The following PTBP3 variants were observed in gnomAD, a reference collection of about 807,000 sequenced individuals.
PTBP3 encodes the protein polypyrimidine tract binding protein 3, also known as polypyrimidine tract-binding protein 3.
Under a neutral mutation model 58.7 loss-of-function variants are expected in PTBP3, and 20 were observed. That is an observed-to-expected ratio of 0.34 (90% CI 0.24 to 0.50). The LOEUF is 0.50. PTBP3 is among the 20% of genes least tolerant of loss of function. PTBP3 has a pLI of 0.98. For missense variants in PTBP3, 509 were observed against 637.2 expected (o/e 0.80, Z 2.17); for synonymous variants, 185 against 219.8 (o/e 0.84, Z 1.40).
intron 1 of PTBP3, among the ~76,000 whole-genome samples, chr9:112,328,937 G>C (rs1305702918): frequency 6.6e-6 from 1 of 152,160 alleles, no homozygotes; most frequent in Non-Finnish European, 1.5e-5. Flanking sequence ...TAATGTGTAA[G>C]ACACATATAA....
intron 7 of PTBP3, among the ~76,000 whole-genome samples, chr9:112,237,391 T>C (rs1322947210): frequency 1.3e-5 from 2 of 152,144 alleles, no homozygotes; most frequent in African/African-American, 4.8e-5. Flanking sequence ...TTCTTCACAT[T>C]TGGAAAATGT....
At chr9:112,263,159 C>T (rs1253876018) in intron 4 of PTBP3, among the ~76,000 whole-genome samples, 2 of 152,126 alleles carry the variant, frequency 1.3e-5, no homozygotes, top group Non-Finnish European at 2.9e-5. Flanking sequence ...GACATAGAAA[C>T]CAGCTTGAAG....
the PTBP3 span, among the ~76,000 whole-genome samples, chr9:112,346,486 T>C: frequency 6.6e-6 from 1 of 152,114 alleles, no homozygotes; most frequent in Non-Finnish European, 1.5e-5. Flanking sequence ...AAAAACTTGA[T>C]GTAGGACACA....
chr9:112,340,590 C>G, the PTBP3 span, among the ~76,000 whole-genome samples: 1 of 152,116 alleles, frequency 6.6e-6, no homozygotes, highest in East Asian at 1.9e-4. Flanking sequence ...GTTTTAAAAT[C>G]TCTTGTTTAG....
Position 112,220,596 on chromosome 9 carries a change from T to G in PTBP3, c.*3255A>C, listed in dbSNP as rs771753184. 1.0e-6 allele frequency: 1 copy of G among 1,001,202 alleles called. No individual in the cohort carries two copies. The highest frequency in any genetic ancestry group is 1.2e-6 in the Non-Finnish European group (1 of 839,126). The allele number at this position is 1,001,202 out of a possible 1,614,324, so 62.0% of individuals were successfully genotyped here. The stretch of plus-strand genomic sequence containing the variant: ...CATTACTTCAAATAATTGATTTCAA[T>G]ATTTAGTCTTAAAGAATTTATGGCA... On this transcript the variant is annotated 3_prime_UTR_variant, in exon 14 of 14. Transcript: ENST00000374257.
intron 1 of PTBP3, among the ~76,000 whole-genome samples, chr9:112,305,436 A>G (rs1300597302): frequency 2.0e-5 from 3 of 152,100 alleles, no homozygotes; most frequent in Non-Finnish European, 1.5e-5. Flanking sequence ...ATTTATGCCT[A>G]TATAATAGAG....
chr9:112,290,705 T>TAAACACAC (rs1418787518), intron 2 of PTBP3, among the ~76,000 whole-genome samples: 1 of 72,998 alleles, frequency 1.4e-5, no homozygotes, highest in African/African-American at 4.7e-5. Flanking sequence ...TATATATATA[T>TAAACACAC]ATACACACAC....
the PTBP3 span, among the ~76,000 whole-genome samples, chr9:112,376,156 G>GAGATATATATATAT: frequency 8.6e-6 from 1 of 116,814 alleles, no homozygotes; most frequent in African/African-American, 3.7e-5. Context: ...TTCTCTAGAG[G>GAGATATATATATAT]ATATATATAT....
chr9:112,345,719 T>C, the PTBP3 span, among the ~76,000 whole-genome samples: 1 of 152,104 alleles, frequency 6.6e-6, no homozygotes, highest in Non-Finnish European at 1.5e-5. Context: ...TAAAAATAAA[T>C]GACTTCTAGA....
intron 6 of PTBP3, among the ~76,000 whole-genome samples, chr9:112,251,829 T>C (rs919707655): frequency 1.3e-5 from 2 of 152,074 alleles, no homozygotes; most frequent in African/African-American, 4.8e-5. Flanking sequence ...TTTATAATAA[T>C]GGTAATTGAC....
chr9:112,379,840 C>CGA, the PTBP3 span: 1 of 507,448 alleles, frequency 2.0e-6, no homozygotes, highest in Non-Finnish European at 3.5e-6. Context: ...GCTGCCCAGA[C>CGA]GCTAGGCGCC....
chr9:112,308,195 T>C (rs1202074138), intron 1 of PTBP3, among the ~76,000 whole-genome samples: 2 of 152,098 alleles, frequency 1.3e-5, no homozygotes, highest in Non-Finnish European at 2.9e-5. Flanking sequence ...CCAGCTAATT[T>C]TTTTTATTTT....
At chr9:112,251,167 T>C in intron 6 of PTBP3, 64 bp from the exon 7 acceptor site, 1 of 1,301,662 alleles carries the variant, frequency 7.7e-7, no homozygotes, top group Non-Finnish European at 1.0e-6. Flanking sequence ...AAGAAGCCTC[T>C]ACTTTGACAA....
intron 2 of PTBP3, among the ~76,000 whole-genome samples, chr9:112,285,541 A>G (rs1203340257): frequency 1.3e-5 from 2 of 152,208 alleles, no homozygotes; most frequent in East Asian, 1.9e-4. Context: ...TTAGGGATCT[A>G]CCAACTTTTT....
At chr9:112,365,084 G>A in the PTBP3 span, among the ~76,000 whole-genome samples, 4 of 152,092 alleles carry the variant, frequency 2.6e-5, no homozygotes, top group South Asian at 2.1e-4. Flanking sequence ...TGTCTTCCAC[G>A]TTCATCCATG....
chr9:112,340,607 G>A, the PTBP3 span, among the ~76,000 whole-genome samples: 6 of 152,122 alleles, frequency 3.9e-5, no homozygotes, highest in Non-Finnish European at 7.4e-5. Flanking sequence ...TTAGGGCCGG[G>A]TGCAGTGGCT....
chr9:112,368,413 C>T, the PTBP3 span, among the ~76,000 whole-genome samples: 14 of 152,206 alleles, frequency 9.2e-5, no homozygotes, highest in African/African-American at 3.4e-4. Flanking sequence ...TCAAGTTATC[C>T]ACCCACCTTG....
intron 2 of PTBP3, among the ~76,000 whole-genome samples, chr9:112,277,931 C>T (rs62571996): frequency 0.014 from 1,133 of 83,314 alleles, 3 homozygotes; most frequent in East Asian, 0.017. Flanking sequence ...CATAACATAA[C>T]ATAACATAAC....
intron 2 of PTBP3, among the ~76,000 whole-genome samples, chr9:112,290,047 C>T (rs1418114228): frequency 6.6e-6 from 1 of 151,960 alleles, no homozygotes; most frequent in Non-Finnish European, 1.5e-5. Context: ...AAATGGTAGC[C>T]ATTAAGGGAA....
Sources: allele counts gnomAD v4.1 joint callset (sites outside exome capture counted in the v4.1 genomes callset), GRCh38; gene constraint gnomAD v4.1.1; transcripts MANE v1.5; gene names NCBI Gene and HGNC (gene_info 2026-07-23, HGNC 2026-07-21).